KLRG2: variants seen among roughly 807,000 people sequenced by gnomAD.
KLRG2 encodes killer cell lectin-like receptor subfamily G member 2.
In KLRG2, 39 loss-of-function variants were observed where a neutral mutation model predicts 35.4. The ratio of observed to expected loss-of-function variants is 1.10; its 90% CI spans 0.85 to 1.44. KLRG2 has a LOEUF of 1.44. Among genes scored for constraint, KLRG2 ranks in the 40% most tolerant of loss-of-function variants. The pLI is 0.00. For missense variants in KLRG2, 632 were observed against 570.9 expected, an observed-to-expected ratio of 1.11 and a Z score of -1.09; for synonymous variants, 283 against 265.8, an observed-to-expected ratio of 1.06 and a Z score of -0.63.
At chr7:139,478,307 A>G (rs530230247) in intron 3 of KLRG2, among the ~76,000 whole-genome samples, 1 of 151,166 alleles carries the variant, frequency 6.6e-6, no homozygotes, top group East Asian at 2.0e-4. Flanking sequence ...TCAAGGCTGC[A>G]GTAAGCCATG....
At chr7:139,478,004 C>G (rs1251528166) in intron 3 of KLRG2, among the ~76,000 whole-genome samples, 1 of 151,606 alleles carries the variant, frequency 6.6e-6, no homozygotes. Context: ...GTGATCCACC[C>G]GCCTCGGCCT....
intron 3 of KLRG2, among the ~76,000 whole-genome samples, chr7:139,465,630 TG>T: frequency 6.7e-6 from 1 of 148,672 alleles, no homozygotes; most frequent in Middle Eastern, 3.5e-3. Flanking sequence ...AGGCGGAGCT[TG>T]CGGTGAGCCG....
At chr7:139,480,492 T>C (rs1188890321) in intron 1 of KLRG2, among the ~76,000 whole-genome samples, 4 of 136,344 alleles carry the variant, frequency 2.9e-5, no homozygotes, top group Non-Finnish European at 4.6e-5. Flanking sequence ...GTCGCCCAGG[T>C]TGGAGTGCAG....
the KLRG2 span, among the ~76,000 whole-genome samples, chr7:139,447,028 C>T: frequency 8.1e-6 from 1 of 123,088 alleles, no homozygotes; most frequent in African/African-American, 5.4e-5. Flanking sequence ...TTGACAGGAC[C>T]TGCTAGACTC....
At chr7:139,461,745 C>T (rs1242142937) in intron 3 of KLRG2, among the ~76,000 whole-genome samples, 1 of 152,128 alleles carries the variant, frequency 6.6e-6, no homozygotes, top group Non-Finnish European at 1.5e-5. Context: ...GCTGCCCCAC[C>T]CTTATCTCCC....
chr7:139,477,383 G>A (rs765406871), intron 3 of KLRG2, among the ~76,000 whole-genome samples: 1 of 152,158 alleles, frequency 6.6e-6, no homozygotes, highest in East Asian at 1.9e-4. Context: ...ACACAATGGA[G>A]TATTATTCAG....
chr7:139,429,065 C>G, the KLRG2 span, among the ~76,000 whole-genome samples: 6 of 152,088 alleles, frequency 3.9e-5, no homozygotes, highest in African/African-American at 1.4e-4. Context: ...GCCTGTAATC[C>G]CAGGCTGAGG....
chr7:139,428,127 C>T, the KLRG2 span, among the ~76,000 whole-genome samples: 2 of 152,226 alleles, frequency 1.3e-5, no homozygotes, highest in Admixed American at 6.5e-5. Flanking sequence ...AGGATGATAA[C>T]TGCAAGTACT....
intron 3 of KLRG2, among the ~76,000 whole-genome samples, chr7:139,471,683 C>T (rs1357111442): frequency 1.3e-5 from 2 of 152,072 alleles, no homozygotes; most frequent in African/African-American, 4.8e-5. Context: ...GAATTCACTT[C>T]CTGTCCTGCT....
chr7:139,439,326 A>T, the KLRG2 span, among the ~76,000 whole-genome samples: 1 of 152,172 alleles, frequency 6.6e-6, no homozygotes, highest in Non-Finnish European at 1.5e-5. Flanking sequence ...ACGTGGTGGA[A>T]CACATCAGGA....
intron 4 of KLRG2, 24 bp from the exon 5 acceptor site, chr7:139,453,731 G>A: frequency 1.2e-6 from 2 of 1,613,644 alleles, no homozygotes; most frequent in Non-Finnish European, 1.7e-6. Flanking sequence ...GGAGGGGAAA[G>A]AGGAGAGGTG....
chr7:139,439,476 G>A, the KLRG2 span, among the ~76,000 whole-genome samples: 2 of 152,198 alleles, frequency 1.3e-5, no homozygotes, highest in African/African-American at 4.8e-5. Flanking sequence ...AGGTTTGAAA[G>A]GTGGGTGAGG....
At chr7:139,449,495 C>T (rs1357086310), downstream of KLRG2, among the ~76,000 whole-genome samples, 1 of 152,094 alleles carries the variant, frequency 6.6e-6, no homozygotes, top group Non-Finnish European at 1.5e-5. Flanking sequence ...TAGGACATTA[C>T]ACTATTGGAG....
chr7:139,435,214 G>A, the KLRG2 span, among the ~76,000 whole-genome samples: 4 of 152,162 alleles, frequency 2.6e-5, no homozygotes, highest in Non-Finnish European at 4.4e-5. Flanking sequence ...TTTCGGCTGG[G>A]CGCAGTGGCT....
the KLRG2 span, among the ~76,000 whole-genome samples, chr7:139,445,186 T>C: frequency 1.3e-5 from 2 of 152,026 alleles, no homozygotes; most frequent in African/African-American, 4.8e-5. Context: ...GTTGAAGTAA[T>C]TCTCCTGCCT....
chr7:139,481,744 T>C (rs574266276), intron 1 of KLRG2, among the ~76,000 whole-genome samples: 1 of 152,132 alleles, frequency 6.6e-6, no homozygotes, highest in East Asian at 1.9e-4. Flanking sequence ...GCCAACATGA[T>C]GAAACCCCCT....
the KLRG2 span, among the ~76,000 whole-genome samples, chr7:139,435,097 C>T: frequency 6.6e-6 from 1 of 152,070 alleles, no homozygotes; most frequent in African/African-American, 2.4e-5. Flanking sequence ...ATTTTTATTG[C>T]GTTTATTCAA....
intron 3 of KLRG2, among the ~76,000 whole-genome samples, chr7:139,475,573 G>A (rs1354061044): frequency 2.0e-5 from 3 of 151,340 alleles, no homozygotes; most frequent in Non-Finnish European, 2.9e-5. Context: ...GGGGGGTGGC[G>A]GCACACCCCA....
the KLRG2 span, among the ~76,000 whole-genome samples, chr7:139,445,781 G>GTATATGTATATATA: frequency 1.0e-5 from 1 of 98,508 alleles, no homozygotes; most frequent in African/African-American, 7.6e-5. Flanking sequence ...ATATATATAT[G>GTATATGTATATATA]TATATATATA....
Sources: gnomAD v4.1 joint callset for allele counts (sites outside exome capture counted in the v4.1 genomes callset) on GRCh38, gnomAD v4.1.1 for gene constraint, MANE v1.5 for transcripts, NCBI Gene and HGNC (gene_info 2026-07-23, HGNC 2026-07-21) for gene names.